The following DNAH12 variants were observed in gnomAD, a reference collection of about 807,000 sequenced individuals.
The protein encoded by DNAH12 is dynein axonemal heavy chain 12, also known as axonemal beta dynein heavy chain 12.
A neutral mutation model predicts 371.5 loss-of-function variants in DNAH12; 285 were observed. The observed-to-expected ratio is 0.77, with a 90% CI of 0.70 to 0.85. The LOEUF (loss-of-function observed/expected upper bound fraction) is 0.85, where lower values mean the gene tolerates loss of function less well. Among genes scored for constraint, DNAH12 ranks in the 40% least tolerant of loss-of-function variants. The pLI, the probability that DNAH12 is intolerant of heterozygous loss-of-function variation, is 0.00. For missense variants in DNAH12, 3,611 were observed against 3,689.4 expected (o/e 0.98, Z 0.55); for synonymous variants, 1,200 against 1,213.0 (o/e 0.99, Z 0.22).
chr3:57,419,327 T>C, intron 37 of DNAH12, 40 bp downstream of exon 37: 1 of 1,464,090 alleles, frequency 6.8e-7, no homozygotes, highest in Non-Finnish European at 9.0e-7. Flanking sequence ...AAAATGGTAC[T>C]TTTACATTCA....
chr3:57,541,403 A>G (rs901353980), intron 2 of DNAH12, among the ~76,000 whole-genome samples: 20 of 152,038 alleles, frequency 1.3e-4, no homozygotes, highest in African/African-American at 4.8e-4. Flanking sequence ...GCCATTGCTC[A>G]TTGCTGGGAG....
At chr3:57,320,923 T>C (rs2061790738) in intron 65 of DNAH12, among the ~76,000 whole-genome samples, 1 of 152,204 alleles carries the variant, frequency 6.6e-6, no homozygotes, top group Non-Finnish European at 1.5e-5. Flanking sequence ...ATTACCACTG[T>C]TCATCACAAA....
At chr3:57,446,779 T>G (rs2065514393) in intron 25 of DNAH12, 90 bp from the exon 26 acceptor site, 2 of 1,248,356 alleles carry the variant, frequency 1.6e-6, no homozygotes, top group Admixed American at 7.1e-5. Flanking sequence ...TAGCCTGTTC[T>G]GTAGCTTCAG....
chr3:57,362,933 A>G (rs2062969359), intron 58 of DNAH12, among the ~76,000 whole-genome samples: 1 of 152,174 alleles, frequency 6.6e-6, no homozygotes, highest in Non-Finnish European at 1.5e-5. Flanking sequence ...TTAGTCATGA[A>G]GTCCTTGCCC....
intron 11 of DNAH12, chr3:57,498,520 C>A (rs1285706825): frequency 9.8e-6 from 7 of 716,630 alleles, no homozygotes; most frequent in African/African-American, 1.7e-5. Flanking sequence ...ACTTCCCATA[C>A]CACCCAGCAA....
At chr3:57,392,624 C>T (rs2063649030) in intron 44 of DNAH12, among the ~76,000 whole-genome samples, 2 of 151,860 alleles carry the variant, frequency 1.3e-5, no homozygotes, top group Non-Finnish European at 2.9e-5. Flanking sequence ...AAAAAACACA[C>T]ACACAGTGTA....
intron 4 of DNAH12, chr3:57,512,618 T>C (rs1002781109): frequency 1.3e-5 from 2 of 152,198 alleles, no homozygotes; most frequent in South Asian, 2.1e-4. Flanking sequence ...TTGGTGGGAA[T>C]GTAAATTAGT....
At chr3:57,353,469 A>AT (rs1553661434) in intron 59 of DNAH12, among the ~76,000 whole-genome samples, 16 of 151,920 alleles carry the variant, frequency 1.1e-4, no homozygotes, top group African/African-American at 3.1e-4. Flanking sequence ...GTTTTTTTGT[A>AT]TTTTTTGTAG....
rs2061847017 is a variant in DNAH12, at chr3:57,323,166, C to A, written c.10224G>T (p.Met3408Ile). 1 of 1,552,400 alleles carries A rather than the reference C, an allele frequency of 6.4e-7. No individual in the cohort carries two copies. The highest frequency in any genetic ancestry group is 2.0e-5 in the Admixed American group (1 of 51,020). The change falls in exon 64 of 74, where the codon ATG becomes ATT. Residue 3408 changes from methionine to isoleucine, a missense_variant. This residue lies in a region of DNAH12 where 2,266 missense variants were observed against 2,236.9 expected (regional missense o/e 1.01). Coordinates refer to ENST00000495027, the MANE Select transcript of DNAH12 (RefSeq NM_001366028.2). The part of the protein sequence containing the change: ...GQGQGPIAAK[M>I]IKAAIEEGTW... The stretch of plus-strand genomic sequence containing the variant: ...TTCCTTCTTCAATTGCTGCTTTAAT[C>A]ATTTTTGCTGCAATCGGTCCTTGTC...
chr3:57,363,010 T>C (rs1301238416), intron 58 of DNAH12, among the ~76,000 whole-genome samples: 2 of 152,208 alleles, frequency 1.3e-5, no homozygotes, highest in African/African-American at 4.8e-5. Context: ...AGGTCTAACA[T>C]TTAAGTCTTT....
upstream of DNAH12, among the ~76,000 whole-genome samples, chr3:57,544,604 G>C (rs2153404635): frequency 6.6e-6 from 1 of 152,284 alleles, no homozygotes; most frequent in South Asian, 2.1e-4. Context: ...TGGAAATTTA[G>C]ATCTGTTGGA....
At chr3:57,502,747 A>G (rs987864760) in intron 9 of DNAH12, among the ~76,000 whole-genome samples, 8 of 152,034 alleles carry the variant, frequency 5.3e-5, no homozygotes, top group African/African-American at 1.9e-4. Flanking sequence ...GGGTTTCACC[A>G]TGTTGGTCAG....
intron 2 of DNAH12, among the ~76,000 whole-genome samples, chr3:57,524,749 T>C (rs954800407): frequency 6.6e-6 from 1 of 151,504 alleles, no homozygotes; most frequent in Admixed American, 6.6e-5. Context: ...TTTCCTGGGA[T>C]CTAAAAAAAC....
At chr3:57,437,992 T>A (rs2065181318) in intron 29 of DNAH12, among the ~76,000 whole-genome samples, 1 of 152,068 alleles carries the variant, frequency 6.6e-6, no homozygotes, top group Non-Finnish European at 1.5e-5. Context: ...TAGGGAAAAA[T>A]CTCATGATTT....
intron 22 of DNAH12, 128 bp downstream of exon 22, chr3:57,457,593 C>G: frequency 9.4e-7 from 1 of 1,060,216 alleles, no homozygotes; most frequent in Non-Finnish European, 1.3e-6. Flanking sequence ...ATGTTAGAAA[C>G]AAAGAAGTAA....
At position 57,317,317 on chromosome 3, in the gene DNAH12, A is replaced by T. The variant is rs1421814809; in HGVS notation, c.10525-2686T>A. On this transcript the variant is annotated intron_variant, in intron 65 of 73. Transcript: ENST00000495027. ...ACTATAAGGACAATGTTGTACAGCT[A>T]ATCTCCAGAATTTATTCACCTTGCA... Among the ~76,000 whole-genome samples, 4 of 152,166 alleles carry T rather than the reference A, an allele frequency of 2.6e-5. No individual in the cohort carries two copies. The South Asian group carries it at 6.2e-4, about 24-fold the overall frequency.
chr3:57,447,292 G>A (rs890542813), intron 25 of DNAH12, among the ~76,000 whole-genome samples: 1 of 152,078 alleles, frequency 6.6e-6, no homozygotes, highest in Non-Finnish European at 1.5e-5. Context: ...AGTCTTTAAA[G>A]TGCTTAATGA....
intron 34 of DNAH12, among the ~76,000 whole-genome samples, chr3:57,426,556 C>A (rs2064774637): frequency 6.6e-6 from 1 of 151,806 alleles, no homozygotes; most frequent in Admixed American, 6.6e-5. Flanking sequence ...GGGCCTGGAC[C>A]AGGTGGCTCA....
rs1553681109 is a variant in DNAH12 at position 57,405,972 on chromosome 3, C to G, written c.6277-20G>C. 7.9e-6 allele frequency: 12 copies of G among 1,525,880 alleles called. No homozygotes were observed. The highest frequency in any genetic ancestry group is 2.1e-5 in the Admixed American group (1 of 47,596). 94.5% of individuals were successfully genotyped at this position (1,525,880 alleles called of 1,614,324 possible). A position where few individuals can be genotyped will look rare whatever the true frequency, so the allele number is the denominator to read the frequency against. ...ATATATCTGAATATGAAAAAAGCAACAAAGCAAAAATAAAATGCTTATAAT... is the reference window on the plus strand; with the variant it reads ...ATATATCTGAATATGAAAAAAGCAAGAAAGCAAAAATAAAATGCTTATAAT... On this transcript the variant is annotated intron_variant, in intron 40 of 73. Transcript: ENST00000495027.
Sources: gnomAD v4.1 joint callset for allele counts (sites outside exome capture counted in the v4.1 genomes callset) on GRCh38, gnomAD v4.1.1 for gene constraint, gnomAD v4.1.1 regional missense constraint, MANE v1.5 for transcripts, NCBI Gene and HGNC (gene_info 2026-07-23, HGNC 2026-07-21) for gene names.